SEC24C: variants seen among roughly 807,000 people sequenced by gnomAD.
SEC24C encodes protein transport protein Sec24C.
SEC24C carries 22 observed loss-of-function variants against 117.0 expected under a neutral mutation model. The ratio of observed to expected loss-of-function variants is 0.19; its 90% CI spans 0.13 to 0.27. The LOEUF (loss-of-function observed/expected upper bound fraction) is 0.27. Ranked by LOEUF, SEC24C falls within the 10% of genes least tolerant of loss-of-function variation. The probability of loss-of-function intolerance (pLI) is 1.00; values close to 1 mark genes in which losing one functional copy is unlikely to be tolerated. For missense variants in SEC24C, 1,155 were observed against 1,375.1 expected, an observed-to-expected ratio of 0.84 and a Z score of 2.53; for synonymous variants, 506 against 529.4, an observed-to-expected ratio of 0.96 and a Z score of 0.61.
At position 73,765,481 on chromosome 10, in the gene SEC24C, T is replaced by C; in HGVS notation, c.1258T>C (p.Ser420Pro). ...ACCGTATGTTGTGGACCATGGGGAA[T>C]CTGGCCCTTTGCGCTGCAACCGCTG... ...ASPYVVDHGE[S>P]GPLRCNRCKA... Residue 420 changes from serine (S) to proline (P), a missense_variant, in exon 9 of 23, where the codon TCT becomes CCT. This residue lies in a region of SEC24C where 759 missense variants were observed against 992.3 expected (regional missense o/e 0.76). Coordinates refer to ENST00000345254, the MANE Select transcript of SEC24C (RefSeq NM_198597.3). 1 of 1,613,956 alleles carries C rather than the reference T, an allele frequency of 6.2e-7. No homozygotes were observed. The highest frequency in any genetic ancestry group is 2.2e-5 in the East Asian group (1 of 44,866).
Position 73,765,521 on chromosome 10 carries a change from G to C in SEC24C, c.1298G>C (p.Cys433Ser). 2 of 1,614,134 alleles carry C rather than the reference G, an allele frequency of 1.2e-6. No homozygotes were observed. Among genetic ancestry groups the C allele is most frequent in the Non-Finnish European group, 1.7e-6 (2 of 1,179,980 alleles). Residue 433 changes from cysteine to serine, a missense_variant, in exon 9 of 23, where the codon TGT becomes TCT. Cys to Ser is a moderately radical substitution (Grantham distance 112). This residue lies in a region of SEC24C where 759 missense variants were observed against 992.3 expected (regional missense o/e 0.76). Coordinates refer to ENST00000345254, the MANE Select transcript of SEC24C (RefSeq NM_198597.3). ...TGCAACCGCTGCAAAGCATACATGT[G>C]TCCCTTCATGCAGTTCATTGAAGGA... is the stretch of plus-strand genomic sequence containing the variant. ...LRCNRCKAYM[C>S]PFMQFIEGGR...
intron 12 of SEC24C, 72 bp downstream of exon 12, chr10:73,766,613 C>T: frequency 1.3e-6 from 2 of 1,513,172 alleles, no homozygotes; most frequent in Non-Finnish European, 9.0e-7. Context: ...TGGAGTTGAA[C>T]AGAGGTATTG....
chr10:73,765,639 C>G, intron 9 of SEC24C, 50 bp downstream of exon 9: 1 of 1,603,568 alleles, frequency 6.2e-7, no homozygotes, highest in Non-Finnish European at 8.5e-7. Context: ...TTGTATCTTC[C>G]TTGTTCTCTA....
In SEC24C at chr10:73,763,997, G is replaced by A; in HGVS notation, c.1227+14G>A. On this transcript the variant is annotated intron_variant, in intron 8 of 22. Transcript: ENST00000345254. ...CCCCCAGAGGAGGTGAGTCAGGGAA[G>A]GGGCTAGAGTGTAATGAAAGGGAGG... The A allele has an allele frequency of 6.4e-7, 1 of 1,567,466 alleles. No individual in the cohort carries two copies. The highest frequency in any genetic ancestry group is 1.2e-5 in the South Asian group (1 of 86,752).
In SEC24C at chr10:73,751,145, A is replaced by G. The variant is rs770282010; in HGVS notation, c.210A>G (p.Pro70=). ...SRAPPSSGAP[P]ASTAQAPCGQ... ...CCCCACCTTCCTCGGGGGCACCTCC[A>G]GCCTCAACAGCACAGGCTCCTTGTG... Residue 70 remains proline (P), a synonymous_variant, in exon 3 of 23, where the codon CCA becomes CCG. Coordinates refer to ENST00000345254, the MANE Select transcript of SEC24C (RefSeq NM_198597.3). 6.2e-7 allele frequency: 1 copy of G among 1,614,196 alleles called. No homozygotes were observed. Among genetic ancestry groups the G allele is most frequent in the Admixed American group, 1.7e-5 (1 of 60,022 alleles).
intron 7 of SEC24C, 42 bp from the exon 8 acceptor site, chr10:73,763,813 AG>A: frequency 6.3e-7 from 1 of 1,599,890 alleles, no homozygotes; most frequent in Non-Finnish European, 8.5e-7. Context: ...GGTGTCTGGA[AG>A]GATTCTGTGA....
chr10:73,770,024 G>A lies in SEC24C; in HGVS notation c.2862+9G>A. The A allele has an allele frequency of 1.2e-6, 2 of 1,613,648 alleles. No homozygotes were observed. Among genetic ancestry groups the A allele is most frequent in the East Asian group, 4.5e-5 (2 of 44,880 alleles). ...CTCGGCTCTTACCTTTGGTGCGATT[G>A]AGGGTTGGAGTATGAGATCTTGCAC... On this transcript the variant is annotated intron_variant, in intron 20 of 22. Transcript: ENST00000345254.
At chr10:73,762,422 G>A (rs1390947977) in intron 6 of SEC24C, among the ~76,000 whole-genome samples, 2 of 152,320 alleles carry the variant, frequency 1.3e-5, no homozygotes, top group South Asian at 2.1e-4. Context: ...GTGGGGTCAG[G>A]TGGCATGTCA....
intron 2 of SEC24C, among the ~76,000 whole-genome samples, 189 bp downstream of exon 2, chr10:73,747,193 AT>A (rs978643739): frequency 2.0e-5 from 3 of 150,736 alleles, no homozygotes; most frequent in East Asian, 1.9e-4. Flanking sequence ...TATTATTTTA[AT>A]TTTTTTTTGA....
chr10:73,755,081 C>T lies in SEC24C; in HGVS notation c.308+3838C>T, dbSNP rs1161008763. On this transcript the variant is annotated intron_variant, in intron 3 of 22. Transcript: ENST00000345254. The stretch of plus-strand genomic sequence containing the variant: ...CCAAGAGGCGGAGGTTGCAGTGAGC[C>T]GAAATCGCACCGCTGCACTCCAACC... 5.3e-5 allele frequency among the ~76,000 whole-genome samples: 8 copies of T among 151,676 alleles called. No individual in the cohort carries two copies. The East Asian group carries it at 7.8e-4, about 15-fold the overall frequency.
Position 73,751,256 on chromosome 10 carries a change from T to C in SEC24C, c.308+13T>C. On this transcript the variant is annotated intron_variant, in intron 3 of 22. Transcript: ENST00000345254. ...TTCAGATGCAAAGGTAGGTACTTGG[T>C]CAATCTAAAATTGGTCTGATGAGGC... The C allele has an allele frequency of 6.2e-7, 1 of 1,610,028 alleles. No individual in the cohort carries two copies.
chr10:73,762,985 C>T (rs928388447), intron 6 of SEC24C, among the ~76,000 whole-genome samples: 1 of 152,218 alleles, frequency 6.6e-6, no homozygotes, highest in Non-Finnish European at 1.5e-5. Flanking sequence ...CTGTTTAAAT[C>T]TCTCCTCACC....
At chr10:73,747,458 T>G (rs2082573494) in intron 2 of SEC24C, among the ~76,000 whole-genome samples, 1 of 151,450 alleles carries the variant, frequency 6.6e-6, no homozygotes, top group South Asian at 2.1e-4. Context: ...GTTCAAGCAG[T>G]TCTCTGCCTC....
At chr10:73,762,334 G>A (rs889133722) in intron 6 of SEC24C, among the ~76,000 whole-genome samples, 3 of 152,144 alleles carry the variant, frequency 2.0e-5, no homozygotes, top group Admixed American at 1.3e-4. Flanking sequence ...GGATATGCAT[G>A]CCTCAAGTCA....
chr10:73,762,632 G>A (rs546438367), intron 6 of SEC24C, among the ~76,000 whole-genome samples: 89 of 152,310 alleles, frequency 5.8e-4, no homozygotes, highest in Admixed American at 4.8e-3. Flanking sequence ...CTGCTGGTTT[G>A]GGAAAGTGTG....
intron 3 of SEC24C, among the ~76,000 whole-genome samples, chr10:73,752,363 A>G (rs753777930): frequency 3.9e-5 from 6 of 152,182 alleles, no homozygotes; most frequent in South Asian, 2.1e-4. Context: ...AGCTCAAGCA[A>G]TCTGCCCACC....
At chr10:73,746,465 G>A (rs1436072138) in intron 1 of SEC24C, among the ~76,000 whole-genome samples, 1 of 152,196 alleles carries the variant, frequency 6.6e-6, no homozygotes, top group Non-Finnish European at 1.5e-5. Context: ...GTAACATCAA[G>A]GTAGTTCATC....
At chr10:73,754,139 G>A (rs1023961435) in intron 3 of SEC24C, among the ~76,000 whole-genome samples, 1 of 152,170 alleles carries the variant, frequency 6.6e-6, no homozygotes. Flanking sequence ...AGGAGGCTGG[G>A]TGTGGTGGCT....
chr10:73,767,775 T>A, intron 14 of SEC24C, 62 bp from the exon 15 acceptor site: 1 of 1,357,120 alleles, frequency 7.4e-7, no homozygotes, highest in Non-Finnish European at 1.0e-6. Flanking sequence ...ATATACAGTT[T>A]TCAAATAGGG....
Sources: gnomAD v4.1 joint callset for allele counts (sites outside exome capture counted in the v4.1 genomes callset) on GRCh38, gnomAD v4.1.1 for gene constraint, gnomAD v4.1.1 regional missense constraint, MANE v1.5 for transcripts, NCBI Gene and HGNC (gene_info 2026-07-23, HGNC 2026-07-21) for gene names.